The following TMEM273 variants were observed in gnomAD, a reference collection of about 807,000 sequenced individuals.
TMEM273 encodes transmembrane protein 273.
TMEM273 carries 19 observed loss-of-function variants against 17.9 expected under a neutral mutation model. That is an observed-to-expected ratio of 1.06 (90% confidence interval 0.74 to 1.55). TMEM273 has a LOEUF of 1.55. TMEM273 is among the 40% of genes most tolerant of loss of function. The probability of loss-of-function intolerance (pLI) is 0.00; values close to 1 mark genes in which losing one functional copy is unlikely to be tolerated. For missense variants in TMEM273, 194 were observed against 155.6 expected (o/e 1.25, Z -1.31); for synonymous variants, 66 against 62.0 (o/e 1.07, Z -0.31).
intron 1 of TMEM273, among the ~76,000 whole-genome samples, chr10:49,174,713 G>A (rs930276312): frequency 6.6e-6 from 1 of 152,090 alleles, no homozygotes; most frequent in Non-Finnish European, 1.5e-5. Context: ...AGTGGTGGGG[G>A]GTGGTATGAG....
At position 49,167,019 on chromosome 10, in the gene TMEM273, A is replaced by G. The variant is rs1184263318; in HGVS notation, c.98-10T>C. 6.2e-7 allele frequency: 1 copy of G among 1,613,404 alleles called. No individual in the cohort carries two copies. On this transcript the variant is annotated splice_polypyrimidine_tract_variant and intron_variant, in intron 2 of 6. Transcript: ENST00000374153. ...AGGGCGTACTTGAAATCTGAAACGC[A>G]GGGAGGAATTGAACACCCGGTTTCA...
intron 1 of TMEM273, among the ~76,000 whole-genome samples, chr10:49,180,978 C>T (rs1847306366): frequency 6.6e-6 from 1 of 152,170 alleles, no homozygotes; most frequent in South Asian, 2.1e-4. Flanking sequence ...AAGACTAACC[C>T]TATTTGCAGA....
In TMEM273 at chr10:49,176,393, T is replaced by C. The variant is rs533830962; in HGVS notation, c.44-8431A>G. ...CCTCCCATAGCCTGTACAATCCCAG[T>C]GAAGAGGGGCCTGGCCACTTGATGT... On this transcript the variant is annotated intron_variant, in intron 1 of 6. Coordinates refer to ENST00000374153, the MANE Select transcript of TMEM273 (RefSeq NM_001288740.3). 2.5e-3 allele frequency among the ~76,000 whole-genome samples: 385 copies of C among 152,232 alleles called. 1 individual carries two copies. The highest frequency in any genetic ancestry group is 6.8e-3 in the Middle Eastern group (2 of 292).
intron 6 of TMEM273, chr10:49,156,311 C>G (rs1845505068): frequency 2.3e-6 from 3 of 1,295,528 alleles, no homozygotes; most frequent in South Asian, 1.3e-5. Flanking sequence ...GAAAATAATG[C>G]CTTCACATCT....
At chr10:49,175,413 T>A (rs1295252379) in intron 1 of TMEM273, among the ~76,000 whole-genome samples, 2 of 152,210 alleles carry the variant, frequency 1.3e-5, no homozygotes, top group Non-Finnish European at 2.9e-5. Context: ...CGGAGGGCCA[T>A]GCAGAGGCCA....
chr10:49,160,714 C>T (rs1845789327), intron 6 of TMEM273: 1 of 149,938 alleles, frequency 6.7e-6, no homozygotes, highest in Non-Finnish European at 1.5e-5. Context: ...GTGCTGTATT[C>T]AGGGGTGAAA....
intron 1 of TMEM273, among the ~76,000 whole-genome samples, chr10:49,182,963 A>G (rs1847439992): frequency 6.6e-6 from 1 of 152,152 alleles, no homozygotes; most frequent in Non-Finnish European, 1.5e-5. Context: ...AAACCCCAAG[A>G]TGAGGAATGT....
intron 1 of TMEM273, among the ~76,000 whole-genome samples, chr10:49,169,906 C>G (rs1011383396): frequency 6.6e-6 from 1 of 152,236 alleles, no homozygotes; most frequent in African/African-American, 2.4e-5. Flanking sequence ...TGATCTCTCT[C>G]TGCCTTTACT....
intron 6 of TMEM273, 95 bp downstream of exon 6, chr10:49,161,504 G>A (rs1448494723): frequency 5.2e-6 from 8 of 1,537,906 alleles, no homozygotes; most frequent in African/African-American, 1.4e-5. Context: ...CACGTGGCCA[G>A]GGGAGGGAGA....
chr10:49,164,624 C>A (rs1846048878), intron 5 of TMEM273, among the ~76,000 whole-genome samples: 1 of 152,222 alleles, frequency 6.6e-6, no homozygotes, highest in South Asian at 2.1e-4. Flanking sequence ...CATATCGTCA[C>A]ATGAAACACT....
At chr10:49,175,837 GC>G (rs1256847986) in intron 1 of TMEM273, among the ~76,000 whole-genome samples, 1 of 152,346 alleles carries the variant, frequency 6.6e-6, no homozygotes, top group East Asian at 1.9e-4. Context: ...ACAAGGAGGA[GC>G]CTGAGGCTGT....
chr10:49,179,682 C>T lies in TMEM273; in HGVS notation c.43+8612G>A, dbSNP rs537131063. ...AGACTGGCTAGGCACCTTCAGAACT[C>T]AGGAATAACAGGGCAGTGAATTTCT... is the stretch of plus-strand genomic sequence containing the variant. On this transcript the variant is annotated intron_variant, in intron 1 of 6. Coordinates refer to ENST00000374153, the MANE Select transcript of TMEM273 (RefSeq NM_001288740.3). 8.3e-4 allele frequency among the ~76,000 whole-genome samples: 127 copies of T among 152,314 alleles called. 1 individual carries two copies. In the South Asian group the frequency reaches 0.025, roughly 30 times the overall value.
At chr10:49,159,710 A>C (rs918980262) in intron 6 of TMEM273, among the ~76,000 whole-genome samples, 1 of 77,774 alleles carries the variant, frequency 1.3e-5, no homozygotes, top group Non-Finnish European at 3.2e-5. Flanking sequence ...AGAGAGAGAG[A>C]GTGAGAGAGA....
At chr10:49,182,596 A>G (rs1847419063) in intron 1 of TMEM273, among the ~76,000 whole-genome samples, 1 of 152,340 alleles carries the variant, frequency 6.6e-6, no homozygotes, top group African/African-American at 2.4e-5. Flanking sequence ...TTTGGATGGA[A>G]TTAGAGTCCA....
At chr10:49,163,200 G>A (rs1353300306) in intron 5 of TMEM273, among the ~76,000 whole-genome samples, 1 of 152,140 alleles carries the variant, frequency 6.6e-6, no homozygotes, top group African/African-American at 2.4e-5. Flanking sequence ...AGTGGATTTG[G>A]GGGCACTGGG....
rs115526865 is a variant in TMEM273 at position 49,166,972 on chromosome 10, G to A, written c.135C>T (p.Val45=). ...GGGCCAGGAAGCCAGCAGATATGGC[G>A]ACACCCACAGCAGTCCCGATGAGGG... ...KYALIGTAVG[V]AISAGFLALK... is the part of the protein sequence containing the mutation. The change falls in exon 3 of 7, where the codon GTC becomes GTT. Residue 45 remains valine, a synonymous_variant. Transcript: ENST00000374153. The A allele has an allele frequency of 1.5e-3, 2,394 of 1,614,170 alleles. 24 individuals are homozygous for A. In the African/African-American group the frequency reaches 0.028, roughly 19 times the overall value.
Position 49,182,978 on chromosome 10 carries a change from T to TG in TMEM273, c.43+5315dup, listed in dbSNP as rs748689246. On this transcript the variant is annotated intron_variant, in intron 1 of 6. Transcript: ENST00000374153. ...AAACCCCAAGATGAGGAATGTTCTG[T>TG]GGGGAAAAAAGGTGGGGTTTGAAAG... Among the ~76,000 whole-genome samples the TG allele has an allele frequency of 1.9e-4, 29 of 152,064 alleles. No individual in the cohort carries two copies. In the East Asian group the frequency reaches 5.6e-3, roughly 29 times the overall value.
intron 6 of TMEM273, chr10:49,160,867 T>C (rs1365109343): frequency 1.3e-5 from 2 of 152,124 alleles, no homozygotes; most frequent in African/African-American, 4.8e-5. Flanking sequence ...CTTTCAACTT[T>C]TCTTTGGATT....
In TMEM273 at chr10:49,188,324, C is replaced by T; in HGVS notation, c.13G>A (p.Val5Ile). 6.2e-7 allele frequency: 1 copy of T among 1,614,186 alleles called. No individual in the cohort carries two copies. The highest frequency in any genetic ancestry group is 8.5e-7 in the Non-Finnish European group (1 of 1,180,012). The change falls in exon 1 of 7, where the codon GTC (valine) becomes ATC (isoleucine). Residue 5 changes from valine to isoleucine, a missense_variant. By Grantham distance (29) the Val-to-Ile change is conservative. Coordinates refer to ENST00000374153, the MANE Select transcript of TMEM273 (RefSeq NM_001288740.3). MNLG[V>I]SMLRILFLLD... is the part of the protein sequence containing the mutation. ...AGGAAGAGGATCCTCAGCATGCTGA[C>T]CCCCAAGTTCATGCTGGCGCTCTGC...
Sources: allele counts gnomAD v4.1 joint callset (sites outside exome capture counted in the v4.1 genomes callset), GRCh38; gene constraint gnomAD v4.1.1; transcripts MANE v1.5; gene names NCBI Gene and HGNC (gene_info 2026-07-23, HGNC 2026-07-21).